FRMD7: variants seen among roughly 807,000 people sequenced by gnomAD.
The protein encoded by FRMD7 is FERM domain containing 7, also known as FERM domain-containing protein 7.
FRMD7 carries 14 observed loss-of-function variants against 44.1 expected under a neutral mutation model. The observed-to-expected ratio is 0.32, with a 90% CI of 0.21 to 0.50. The LOEUF (loss-of-function observed/expected upper bound fraction) is 0.50, where lower values mean the gene tolerates loss of function less well. Ranked by LOEUF, FRMD7 falls within the 20% of genes least tolerant of loss-of-function variation. The pLI is 0.99. For synonymous variants in FRMD7, 212 were observed against 187.4 expected (o/e 1.13, Z -1.07); for missense variants, 501 against 522.3 (o/e 0.96, Z 0.40).
chrX:132,083,706 C>T (rs748360105), intron 8 of FRMD7, among the ~76,000 whole-genome samples: 14 of 112,271 alleles, frequency 1.2e-4, no homozygotes, highest in African/African-American at 3.6e-4. Context: ...TGCCTGGTAA[C>T]GTCAGCACTT....
Position 132,082,541 on chromosome X carries a change from T to G in FRMD7, c.742-15A>C. ...TTGCACAACACCTGTATAAACCAAT[T>G]TCCATTAAGTAAAACATCCTTCAAG... On this transcript the variant is annotated splice_polypyrimidine_tract_variant and intron_variant, in intron 8 of 11. Transcript: ENST00000298542. 1 of 1,185,932 alleles carries G rather than the reference T, an allele frequency of 8.4e-7. No individual in the cohort carries two copies. The highest frequency in any genetic ancestry group is 1.1e-6 in the Non-Finnish European group (1 of 872,198).
At chrX:132,085,177 C>T (rs1351051576) in intron 7 of FRMD7, among the ~76,000 whole-genome samples, 1 of 111,785 alleles carries the variant, frequency 8.9e-6, no homozygotes, top group Non-Finnish European at 1.9e-5. Context: ...TGTTTAATTA[C>T]TGCAGCCTAC....
intron 1 of FRMD7, among the ~76,000 whole-genome samples, chrX:132,123,053 A>G (rs1929074240): frequency 8.9e-6 from 1 of 111,733 alleles, no homozygotes; most frequent in African/African-American, 3.3e-5. Flanking sequence ...GTTCTCTTGA[A>G]TATTGGCCTT....
chrX:132,080,035 G>A lies in FRMD7; in HGVS notation c.1021C>T (p.Pro341Ser). ...QYHERQCRSSPDLLSDVSKQV... is the reference protein window; with the variant it reads ...QYHERQCRSSSDLLSDVSKQV... ...TTTGACACATCAGAGAGGAGGTCTG[G>A]TGAGGACCTGCACTGTCGTTCATGG... is the stretch of plus-strand genomic sequence containing the variant. Residue 341 changes from proline to serine, a missense_variant, in exon 11 of 12, where the codon CCA becomes TCA. Coordinates refer to ENST00000298542, the MANE Select transcript of FRMD7 (RefSeq NM_194277.3). The A allele has an allele frequency of 8.3e-7, 1 of 1,199,208 alleles. No individual in the cohort carries two copies. Among genetic ancestry groups the A allele is most frequent in the East Asian group, 3.0e-5 (1 of 33,791 alleles).
At chrX:132,113,871 G>A (rs925666144) in intron 1 of FRMD7, among the ~76,000 whole-genome samples, 4 of 110,437 alleles carry the variant, frequency 3.6e-5, no homozygotes, top group African/African-American at 1.3e-4. Flanking sequence ...CAAATAGCAG[G>A]TTTTATTCAT....
intron 5 of FRMD7, among the ~76,000 whole-genome samples, chrX:132,087,728 C>T (rs1003561593): frequency 3.6e-5 from 4 of 111,054 alleles, no homozygotes; most frequent in East Asian, 5.6e-4. Context: ...GATACCAAAA[C>T]GGGACAAAAA....
In FRMD7 at chrX:132,128,004, C is replaced by T. The variant is rs1257104276; in HGVS notation, c.-160G>A. 3.9e-6 allele frequency: 2 copies of T among 514,208 alleles called. No individual in the cohort carries two copies. Among genetic ancestry groups the T allele is most frequent in the East Asian group, 3.6e-5 (1 of 27,612 alleles). 42.4% of individuals were successfully genotyped at this position (514,208 alleles called of 1,213,427 possible). A position where few individuals can be genotyped will look rare whatever the true frequency, so the allele number is the denominator to read the frequency against. On this transcript the variant is annotated 5_prime_UTR_variant, in exon 1 of 12. Coordinates refer to ENST00000298542, the MANE Select transcript of FRMD7 (RefSeq NM_194277.3). Reference sequence around the variant, plus strand: ...ACACTTCCGTTTGCTTGAAGTAATGCACACCCAAGGGCATTTGTGCTGCCA... The same window carrying T: ...ACACTTCCGTTTGCTTGAAGTAATGTACACCCAAGGGCATTTGTGCTGCCA...
At chrX:132,112,336 C>T (rs1367776714) in intron 1 of FRMD7, among the ~76,000 whole-genome samples, 3 of 111,362 alleles carry the variant, frequency 2.7e-5, no homozygotes, top group Admixed American at 9.6e-5. Flanking sequence ...GCAGTCTAAC[C>T]TTTTAGCATC....
chrX:132,081,356 A>G (rs1478673369), intron 9 of FRMD7, among the ~76,000 whole-genome samples: 3 of 99,105 alleles, frequency 3.0e-5, no homozygotes, highest in Non-Finnish European at 6.1e-5. Context: ...CAAAACAAAC[A>G]ACAACAACAA....
Position 132,077,858 on chromosome X carries a change from A to G in FRMD7, c.*14T>C, listed in dbSNP as rs776646478. 5.8e-6 allele frequency: 7 copies of G among 1,210,954 alleles called. No homozygotes were observed. In the East Asian group the frequency reaches 1.2e-4, roughly 20 times the overall value. On this transcript the variant is annotated 3_prime_UTR_variant, in exon 12 of 12. Transcript: ENST00000298542. ...ACATGGAACTGGCTCAGAAATGTCC[A>G]TAGGTTCACACTTTTAAGCTAAAAA...
intron 1 of FRMD7, among the ~76,000 whole-genome samples, chrX:132,121,079 A>G (rs1929022570): frequency 8.9e-6 from 1 of 111,798 alleles, no homozygotes; most frequent in African/African-American, 3.3e-5. Flanking sequence ...GTCTATCAAC[A>G]AACATCGATT....
intron 1 of FRMD7, among the ~76,000 whole-genome samples, chrX:132,101,332 T>C (rs1050070374): frequency 8.9e-6 from 1 of 111,784 alleles, no homozygotes; most frequent in Admixed American, 9.5e-5. Flanking sequence ...CCTATCGCTC[T>C]TTCCACATTT....
chrX:132,085,184 C>T (rs181753809), intron 7 of FRMD7, among the ~76,000 whole-genome samples: 33 of 111,739 alleles, frequency 3.0e-4, no homozygotes, highest in African/African-American at 1.0e-3. Flanking sequence ...TTACTGCAGC[C>T]TACACCCATT....
At chrX:132,088,366 A>T (rs964633199) in intron 5 of FRMD7, among the ~76,000 whole-genome samples, 2 of 111,302 alleles carry the variant, frequency 1.8e-5, no homozygotes, top group South Asian at 7.5e-4. Flanking sequence ...CTTGGGCAAC[A>T]TGGCAAGACC....
chrX:132,077,100 G>C lies in FRMD7; in HGVS notation c.*772C>G, dbSNP rs1927625762. ...GAAGCTATGACAAAAAATAAATTCT[G>C]GCAGGAAATATTAGATAAACAAACT... is the stretch of plus-strand genomic sequence containing the variant. On this transcript the variant is annotated 3_prime_UTR_variant, in exon 12 of 12. Coordinates refer to ENST00000298542, the MANE Select transcript of FRMD7 (RefSeq NM_194277.3). 1 of 111,597 alleles carries C rather than the reference G, an allele frequency of 9.0e-6. No homozygotes were observed. The highest frequency in any genetic ancestry group is 3.7e-4 in the South Asian group (1 of 2,708). 9.2% of individuals were successfully genotyped at this position (111,597 alleles called of 1,213,427 possible).
intron 5 of FRMD7, among the ~76,000 whole-genome samples, chrX:132,088,225 C>G (rs941527921): frequency 1.8e-5 from 2 of 112,366 alleles, no homozygotes; most frequent in Non-Finnish European, 3.8e-5. Context: ...GTAGAACTGT[C>G]TTTACTTGCA....
At position 132,077,672 on chromosome X, in the gene FRMD7, G is replaced by A; in HGVS notation, c.*200C>T. 1.9e-6 allele frequency: 1 copy of A among 534,375 alleles called. No homozygotes were observed. The highest frequency in any genetic ancestry group is 3.0e-6 in the Non-Finnish European group (1 of 334,640). 44.0% of individuals were successfully genotyped at this position (534,375 alleles called of 1,213,427 possible). On this transcript the variant is annotated 3_prime_UTR_variant, in exon 12 of 12. Transcript: ENST00000298542. ...TGGTGAGGAGAGGGCATGTTCTAAA[G>A]TCCCTTCAGAGGTAATGGAAGAGTG...
intron 1 of FRMD7, among the ~76,000 whole-genome samples, chrX:132,101,158 G>A (rs1010038880): frequency 3.6e-5 from 4 of 109,975 alleles, no homozygotes; most frequent in Non-Finnish European, 7.6e-5. Context: ...CTCAGCACAG[G>A]AGACCCAGTT....
At position 132,078,270 on chromosome X, in the gene FRMD7, G is replaced by C. The variant is rs1431505669; in HGVS notation, c.1747C>G (p.Gln583Glu). Reference protein sequence around the residue: ...NLEDAFVCNIQEQTPKRSQSQ... With the variant: ...NLEDAFVCNIEEQTPKRSQSQ... The stretch of plus-strand genomic sequence containing the variant: ...TGGGACCTTTTAGGGGTTTGCTCTT[G>C]AATGTTACATACAAATGCATCTTCC... The change falls in exon 12 of 12, where the codon CAA becomes GAA. Residue 583 changes from glutamine to glutamate, a missense_variant. By Grantham distance (29) the Gln-to-Glu change is conservative. This residue lies in a region of FRMD7 where 453 missense variants were observed against 452.7 expected (regional missense o/e 1.00). Transcript: ENST00000298542. 12 of 1,209,523 alleles carry C rather than the reference G, an allele frequency of 9.9e-6. No homozygotes were observed. Among genetic ancestry groups the C allele is most frequent in the Admixed American group, 6.6e-5 (3 of 45,798 alleles).
Sources: allele counts gnomAD v4.1 joint callset (sites outside exome capture counted in the v4.1 genomes callset), GRCh38; gene constraint gnomAD v4.1.1; regional missense constraint gnomAD v4.1.1; transcripts MANE v1.5; gene names NCBI Gene and HGNC (gene_info 2026-07-23, HGNC 2026-07-21).